Variants in ATL3 observed in about 807,000 individuals in gnomAD.
ATL3 encodes atlastin-3.
Under a neutral mutation model 69.5 loss-of-function variants are expected in ATL3, and 49 were observed. That is an observed-to-expected ratio of 0.71 (90% CI 0.56 to 0.89). The LOEUF (loss-of-function observed/expected upper bound fraction) is 0.89. ATL3 is among the 40% of genes least tolerant of loss of function. The pLI is 0.00. For synonymous variants in ATL3, 214 were observed against 224.1 expected (o/e 0.95, Z 0.40); for missense variants, 606 against 645.7 (o/e 0.94, Z 0.67).
At chr11:63,643,223 G>T in intron 8 of ATL3, 134 bp downstream of exon 8, 1 of 984,614 alleles carries the variant, frequency 1.0e-6, no homozygotes, top group Non-Finnish European at 1.4e-6. Flanking sequence ...AGCAAAATCT[G>T]AACTAGACTT....
At chr11:63,671,521 A>T (rs990971782), upstream of ATL3, 8 of 1,436,336 alleles carry the variant, frequency 5.6e-6, no homozygotes, top group Middle Eastern at 2.4e-4. Flanking sequence ...GGCCCAACGG[A>T]CAGCCCGAGG....
chr11:63,671,839 A>G, upstream of ATL3: 1 of 838,358 alleles, frequency 1.2e-6, no homozygotes. Context: ...GCCGGCGCCT[A>G]ACGTGCAGAC....
rs1423598917 is a variant in ATL3, at chr11:63,652,537, G to T, written c.444C>A (p.Asp148Glu). Reference sequence around the variant, plus strand: ...CACAGTCTTTCACAGTTGACTGGCTGTCAAATGCCCCCTGGGTATCCATCA... The same window carrying T: ...CACAGTCTTTCACAGTTGACTGGCTTTCAAATGCCCCCTGGGTATCCATCA... ...VVLMDTQGAF[D>E]SQSTVKDCAT... Residue 148 changes from aspartate to glutamate, a missense_variant, in exon 4 of 13, where the codon GAC becomes GAA. By Grantham distance (45) the Asp-to-Glu change is conservative. Transcript: ENST00000398868. 2 of 1,611,824 alleles carry T rather than the reference G, an allele frequency of 1.2e-6. No individual in the cohort carries two copies. The highest frequency in any genetic ancestry group is 1.7e-6 in the Non-Finnish European group (2 of 1,178,590).
At chr11:63,632,236 T>C (rs1939345464) in intron 11 of ATL3, 1 of 705,782 alleles carries the variant, frequency 1.4e-6, no homozygotes, top group Non-Finnish European at 2.7e-6. Context: ...TTCGTGGTGC[T>C]CTGGGGAAAC....
intron 5 of ATL3, among the ~76,000 whole-genome samples, chr11:63,650,402 T>C (rs960035233): frequency 1.3e-5 from 2 of 152,240 alleles, no homozygotes; most frequent in African/African-American, 4.8e-5. Context: ...AAACTGGTTA[T>C]TGTTAGTAGA....
At chr11:63,650,975 T>C (rs1454789632) in intron 5 of ATL3, among the ~76,000 whole-genome samples, 1 of 152,128 alleles carries the variant, frequency 6.6e-6, no homozygotes, top group Non-Finnish European at 1.5e-5. Context: ...AAAATAAACA[T>C]AAAATAGAAC....
At chr11:63,668,981 C>T (rs1326018538) in intron 1 of ATL3, among the ~76,000 whole-genome samples, 1 of 140,546 alleles carries the variant, frequency 7.1e-6, no homozygotes, top group Admixed American at 7.5e-5. Flanking sequence ...TGCAACACCA[C>T]GTTGGCTAAC....
At position 63,631,487 on chromosome 11, in the gene ATL3, A is replaced by C; in HGVS notation, c.1108-16T>G. On this transcript the variant is annotated splice_polypyrimidine_tract_variant and intron_variant, in intron 11 of 12. Coordinates refer to ENST00000398868, the MANE Select transcript of ATL3 (RefSeq NM_015459.5). ...CCCCACAAACCTAAAAAGAACAAAG[A>C]AACAATATGTTAAAAGATCTCTTCA... 6.4e-7 allele frequency: 1 copy of C among 1,570,664 alleles called. No individual in the cohort carries two copies. The highest frequency in any genetic ancestry group is 1.2e-5 in the South Asian group (1 of 84,228).
chr11:63,637,893 T>G (rs1565271908), intron 8 of ATL3, among the ~76,000 whole-genome samples: 1 of 152,228 alleles, frequency 6.6e-6, no homozygotes, highest in Non-Finnish European at 1.5e-5. Context: ...TCTGTACACA[T>G]TCACATTTGC....
At chr11:63,654,649 C>T (rs895053100) in intron 3 of ATL3, among the ~76,000 whole-genome samples, 5 of 151,840 alleles carry the variant, frequency 3.3e-5, no homozygotes, top group Non-Finnish European at 5.9e-5. Flanking sequence ...CCACCCACCT[C>T]GGCCTCCCAA....
upstream of ATL3, chr11:63,671,849 C>G (rs1463469127): frequency 1.5e-6 from 1 of 655,494 alleles, no homozygotes; most frequent in Non-Finnish European, 2.1e-6. Context: ...AACGTGCAGA[C>G]CAGGCCCCAG....
At chr11:63,662,796 T>C (rs1940461071) in intron 1 of ATL3, among the ~76,000 whole-genome samples, 1 of 152,152 alleles carries the variant, frequency 6.6e-6, no homozygotes, top group African/African-American at 2.4e-5. Context: ...TAAAGTCGAC[T>C]TAAGGAGACA....
At chr11:63,662,165 A>G (rs907930624) in intron 1 of ATL3, among the ~76,000 whole-genome samples, 18 of 150,798 alleles carry the variant, frequency 1.2e-4, no homozygotes, top group African/African-American at 4.4e-4. Flanking sequence ...GTGAGCCAAG[A>G]CCGTGCCACT....
intron 1 of ATL3, among the ~76,000 whole-genome samples, chr11:63,669,739 G>A (rs1033844513): frequency 2.0e-5 from 3 of 152,034 alleles, no homozygotes; most frequent in Non-Finnish European, 4.4e-5. Context: ...CTGAGGTCAG[G>A]AGTTCGAGAC....
intron 5 of ATL3, among the ~76,000 whole-genome samples, chr11:63,647,904 G>A (rs1269675776): frequency 6.6e-6 from 1 of 152,128 alleles, no homozygotes; most frequent in Non-Finnish European, 1.5e-5. Flanking sequence ...AAGAGACAGG[G>A]GCCAACAAGG....
chr11:63,668,065 G>T (rs540622307), intron 1 of ATL3, among the ~76,000 whole-genome samples: 1 of 152,184 alleles, frequency 6.6e-6, no homozygotes, highest in African/African-American at 2.4e-5. Context: ...CATTCAAAGA[G>T]TTCTGAATAC....
chr11:63,671,170 C>T (rs1488034555), intron 1 of ATL3, 120 bp downstream of exon 1: 2 of 1,411,580 alleles, frequency 1.4e-6, no homozygotes, highest in East Asian at 3.0e-5. Flanking sequence ...GCGAGGGACG[C>T]GCGGTCCCAG....
rs1939070622 is a variant in ATL3 at position 63,625,347 on chromosome 11, T to C, written c.*3972A>G. ...CAAATCATCCTAAATTACATTTCAA[T>C]AGTTCCAGGAAAGAAAAAAGTCCTG... On this transcript the variant is annotated 3_prime_UTR_variant, in exon 13 of 13. Transcript: ENST00000398868. 2 of 152,146 alleles carry C rather than the reference T, an allele frequency of 1.3e-5. No homozygotes were observed. The highest frequency in any genetic ancestry group is 4.8e-5 in the African/African-American group (2 of 41,442). 9.4% of individuals were successfully genotyped at this position (152,146 alleles called of 1,614,324 possible).
intron 1 of ATL3, 25 bp downstream of exon 1, chr11:63,671,265 G>A: frequency 1.3e-6 from 2 of 1,569,406 alleles, no homozygotes; most frequent in Non-Finnish European, 1.7e-6. Context: ...GCCGCGGGGC[G>A]ATCCAGGGAA....
Sources: allele counts gnomAD v4.1 joint callset (sites outside exome capture counted in the v4.1 genomes callset), GRCh38; gene constraint gnomAD v4.1.1; transcripts MANE v1.5; gene names NCBI Gene and HGNC (gene_info 2026-07-23, HGNC 2026-07-21).